ROBO2: variants seen among roughly 807,000 people sequenced by gnomAD.
ROBO2 encodes roundabout homolog 2.
Under a neutral mutation model 160.8 loss-of-function variants are expected in ROBO2, and 53 were observed. The observed-to-expected ratio is 0.33, with a 90% CI of 0.26 to 0.41. The LOEUF (loss-of-function observed/expected upper bound fraction) is 0.41. Among genes scored for constraint, ROBO2 ranks in the 10% least tolerant of loss-of-function variants. The probability of loss-of-function intolerance (pLI) is 1.00; values close to 1 mark genes in which losing one functional copy is unlikely to be tolerated. For missense variants in ROBO2, 1,577 were observed against 1,722.4 expected (o/e 0.92, Z 1.49); for synonymous variants, 664 against 611.7 (o/e 1.09, Z -1.26).
intron 2 of ROBO2, among the ~76,000 whole-genome samples, chr3:76,077,093 A>C (rs115553049): frequency 6.6e-6 from 1 of 152,340 alleles, no homozygotes; most frequent in African/African-American, 2.4e-5. Context: ...CCCCAAAAAC[A>C]TAATTTTCAC....
At position 76,526,208 on chromosome 3, in the gene ROBO2, C is replaced by G. The variant is rs565786260; in HGVS notation, c.110-571806C>G. Reference sequence around the variant, plus strand: ...GGAATCAACCTTAAGGTTACAGAAGCATAGCGGGGCCAGGGTTAAAGTCAG... The same window carrying G: ...GGAATCAACCTTAAGGTTACAGAAGGATAGCGGGGCCAGGGTTAAAGTCAG... On this transcript the variant is annotated intron_variant, in intron 2 of 26. Coordinates refer to the ROBO2 transcript ENST00000487694. 2.6e-5 allele frequency among the ~76,000 whole-genome samples: 4 copies of G among 152,132 alleles called. No individual in the cohort carries two copies. In the South Asian group the frequency reaches 8.3e-4, roughly 32 times the overall value.
At chr3:77,375,465 G>A (rs1302081916) in intron 2 of ROBO2, among the ~76,000 whole-genome samples, 4 of 152,144 alleles carry the variant, frequency 2.6e-5, no homozygotes, top group Non-Finnish European at 4.4e-5. Context: ...AAATGATGGT[G>A]CCTATTTGAT....
chr3:76,186,433 G>A (rs993427168), intron 2 of ROBO2, among the ~76,000 whole-genome samples: 1 of 151,934 alleles, frequency 6.6e-6, no homozygotes, highest in Non-Finnish European at 1.5e-5. Flanking sequence ...AAGAATAAAA[G>A]CTCTCATGTG....
At chr3:76,958,685 T>C (rs373379763) in intron 2 of ROBO2, among the ~76,000 whole-genome samples, 3 of 152,368 alleles carry the variant, frequency 2.0e-5, no homozygotes, top group African/African-American at 7.2e-5. Flanking sequence ...AAGCTGTGTT[T>C]TCCATTTCTA....
At chr3:76,961,796 G>A (rs1203487641) in intron 2 of ROBO2, among the ~76,000 whole-genome samples, 2 of 152,072 alleles carry the variant, frequency 1.3e-5, no homozygotes, top group East Asian at 1.9e-4. Flanking sequence ...TGTAACCTAC[G>A]GGTCCTTTTT....
intron 16 of ROBO2, among the ~76,000 whole-genome samples, chr3:77,587,522 T>C (rs1168788084): frequency 6.6e-6 from 1 of 151,942 alleles, no homozygotes; most frequent in African/African-American, 2.4e-5. Flanking sequence ...TAATTTTGAG[T>C]CAAAAACTAC....
chr3:76,461,690 T>C (rs1405294248), intron 2 of ROBO2, among the ~76,000 whole-genome samples: 1 of 152,216 alleles, frequency 6.6e-6, no homozygotes, highest in Non-Finnish European at 1.5e-5. Context: ...TCAAAGCTCT[T>C]GGTAAGCAAT....
At chr3:76,827,145 A>G (rs909666617) in intron 2 of ROBO2, among the ~76,000 whole-genome samples, 11 of 152,144 alleles carry the variant, frequency 7.2e-5, no homozygotes, top group African/African-American at 2.4e-4. Context: ...AGAGATTTGG[A>G]CTAAGATAGC....
chr3:76,622,082 G>A (rs1045122296), intron 2 of ROBO2, among the ~76,000 whole-genome samples: 2 of 66,880 alleles, frequency 3.0e-5, no homozygotes, highest in African/African-American at 8.1e-5. Flanking sequence ...TGTGGCTCAT[G>A]TGTGTAATCC....
At chr3:76,464,007 GAGA>G (rs1004510425) in intron 2 of ROBO2, among the ~76,000 whole-genome samples, 4 of 152,178 alleles carry the variant, frequency 2.6e-5, no homozygotes, top group African/African-American at 9.6e-5. Flanking sequence ...CAGAGGAGGA[GAGA>G]AGGAGAATAA....
At chr3:77,564,322 T>C (rs1197448627) in intron 11 of ROBO2, 1 of 358,794 alleles carries the variant, frequency 2.8e-6, no homozygotes, top group Non-Finnish European at 5.5e-6. Context: ...AAATGGGTCC[T>C]CACACACAAA....
intron 2 of ROBO2, among the ~76,000 whole-genome samples, chr3:76,457,934 G>T (rs1232722946): frequency 6.6e-6 from 1 of 152,070 alleles, no homozygotes; most frequent in Non-Finnish European, 1.5e-5. Flanking sequence ...GCTGCACACA[G>T]CACGGGAACC....
chr3:77,440,839 C>T (rs2079843747), intron 2 of ROBO2, among the ~76,000 whole-genome samples: 2 of 152,080 alleles, frequency 1.3e-5, no homozygotes, highest in Non-Finnish European at 2.9e-5. Flanking sequence ...GTTGTGGAAG[C>T]TCAGTCTCCA....
chr3:76,620,046 G>A (rs2088938769), intron 2 of ROBO2, among the ~76,000 whole-genome samples: 1 of 152,106 alleles, frequency 6.6e-6, no homozygotes, highest in South Asian at 2.1e-4. Flanking sequence ...AAATATTTTT[G>A]TACCAGTAGA....
At chr3:76,692,372 G>A (rs72888396) in intron 2 of ROBO2, among the ~76,000 whole-genome samples, 7 of 152,074 alleles carry the variant, frequency 4.6e-5, no homozygotes, top group Non-Finnish European at 8.8e-5. Context: ...CCCAGTGCTG[G>A]TTACAGGCCT....
chr3:76,063,343 CT>C (rs35062174), intron 2 of ROBO2, among the ~76,000 whole-genome samples: 2,981 of 134,696 alleles, frequency 0.022, 24 homozygotes, highest in Non-Finnish European at 0.034. Context: ...GCCCTCCTCC[CT>C]TTTTTTTTTT....
intron 2 of ROBO2, chr3:77,317,233 A>G (rs906071678): frequency 8.6e-5 from 69 of 803,902 alleles, no homozygotes; most frequent in Non-Finnish European, 1.4e-4. Context: ...GTCACAGCCC[A>G]GGTTAATGTG....
rs146034800 is a variant in ROBO2 at position 77,626,778 on chromosome 3, T to A, written c.3760+4346T>A. ...AAGACTGAGATTGTGTGCTGTTCAG[T>A]GAAACAAGTAAAAAGTTTCCTTGAC... is the stretch of plus-strand genomic sequence containing the variant. On this transcript the variant is annotated intron_variant, in intron 23 of 25. Coordinates refer to ENST00000461745, the Ensembl canonical transcript of ROBO2. Among the ~76,000 whole-genome samples, 7 of 152,284 alleles carry A rather than the reference T, an allele frequency of 4.6e-5. No homozygotes were observed. In the East Asian group the frequency reaches 1.4e-3, roughly 29 times the overall value.
At chr3:76,410,185 G>T (rs1190971756) in intron 2 of ROBO2, among the ~76,000 whole-genome samples, 1 of 152,170 alleles carries the variant, frequency 6.6e-6, no homozygotes, top group East Asian at 1.9e-4. Flanking sequence ...CTGCCTAAAA[G>T]CCAATGAGGC....
Sources: allele counts gnomAD v4.1 joint callset (sites outside exome capture counted in the v4.1 genomes callset), GRCh38; gene constraint gnomAD v4.1.1; transcripts MANE v1.5; gene names NCBI Gene and HGNC (gene_info 2026-07-23, HGNC 2026-07-21).